ROBO2: variants seen among roughly 807,000 people sequenced by gnomAD.
ROBO2 encodes roundabout homolog 2.
A neutral mutation model predicts 160.8 loss-of-function variants in ROBO2; 53 were observed. The observed-to-expected ratio is 0.33, with a 90% CI of 0.26 to 0.41. The LOEUF is 0.41. ROBO2 is among the 10% of genes least tolerant of loss of function. The probability of loss-of-function intolerance (pLI) is 1.00; values close to 1 mark genes in which losing one functional copy is unlikely to be tolerated. For missense variants in ROBO2, 1,577 were observed against 1,722.4 expected (o/e 0.92, Z 1.49); for synonymous variants, 664 against 611.7 (o/e 1.09, Z -1.26).
chr3:76,969,618 C>G (rs2059473358), intron 2 of ROBO2, among the ~76,000 whole-genome samples: 1 of 152,148 alleles, frequency 6.6e-6, no homozygotes, highest in Admixed American at 6.5e-5. Context: ...TGGCCACATG[C>G]TGGTTTTCTC....
At position 77,142,501 on chromosome 3, in the gene ROBO2, C is replaced by A. The variant is rs376680244; in HGVS notation, c.388+44161C>A. Among the ~76,000 whole-genome samples, 65 of 152,274 alleles carry A rather than the reference C, an allele frequency of 4.3e-4. 1 individual carries two copies. The highest frequency in any genetic ancestry group is 1.4e-3 in the African/African-American group (59 of 41,564). ...TAATAACCTAATCTTAAGGACATGA[C>A]TATAATAAAGGCTAAAAAGCAGTTT... is the stretch of plus-strand genomic sequence containing the variant. On this transcript the variant is annotated intron_variant, in intron 2 of 25. Transcript: ENST00000461745.
chr3:77,534,590 T>C (rs2091967180), intron 6 of ROBO2, among the ~76,000 whole-genome samples: 2 of 152,310 alleles, frequency 1.3e-5, no homozygotes, highest in East Asian at 3.9e-4. Flanking sequence ...TGCATGATAT[T>C]TGAATTGCTA....
chr3:76,215,558 C>A (rs1291566877), intron 2 of ROBO2, among the ~76,000 whole-genome samples: 1 of 151,972 alleles, frequency 6.6e-6, no homozygotes, highest in African/African-American at 2.4e-5. Flanking sequence ...GACAGGGTAT[C>A]AGCAATGGAA....
At chr3:77,563,723 T>C (rs1478588630) in intron 11 of ROBO2, among the ~76,000 whole-genome samples, 1 of 152,106 alleles carries the variant, frequency 6.6e-6, no homozygotes, top group Non-Finnish European at 1.5e-5. Context: ...CTCTGGCATT[T>C]ATATTCCTAA....
At chr3:76,649,055 G>GT (rs2091125686) in intron 2 of ROBO2, among the ~76,000 whole-genome samples, 1 of 151,986 alleles carries the variant, frequency 6.6e-6, no homozygotes, top group African/African-American at 2.4e-5. Flanking sequence ...ATATTGACTT[G>GT]ATTTCAAATC....
In ROBO2 at chr3:76,978,918, TTTTTTTTG is replaced by T. The variant is rs2059943432; in HGVS notation, c.110-119092_110-119085del. On this transcript the variant is annotated intron_variant, in intron 2 of 26. Coordinates refer to the ROBO2 transcript ENST00000487694. The stretch of plus-strand genomic sequence containing the variant: ...AAGGAGTACAAGTGCAGTTTTAGAG[TTTTTTTTG>T]TTTGTTTGTTTGTTTTTTAAAAAAA... 1.0e-4 allele frequency among the ~76,000 whole-genome samples: 15 copies of T among 148,406 alleles called. No individual in the cohort carries two copies. The South Asian group carries it at 3.2e-3, about 31-fold the overall frequency.
intron 2 of ROBO2, among the ~76,000 whole-genome samples, chr3:76,721,584 T>G (rs535393761): frequency 6.6e-6 from 1 of 152,350 alleles, no homozygotes; most frequent in East Asian, 1.9e-4. Flanking sequence ...GCTTTTCATC[T>G]TTCATCTTCA....
At chr3:77,241,849 T>C (rs2089091355) in intron 2 of ROBO2, among the ~76,000 whole-genome samples, 1 of 152,194 alleles carries the variant, frequency 6.6e-6, no homozygotes, top group African/African-American at 2.4e-5. Context: ...CAGTCTTTCC[T>C]TTATGTGGTT....
chr3:77,468,418 C>T (rs754443098), intron 2 of ROBO2, among the ~76,000 whole-genome samples: 15 of 152,172 alleles, frequency 9.9e-5, no homozygotes, highest in Admixed American at 7.2e-4. Context: ...CCAAGGAGAA[C>T]ATATGCATTA....
At chr3:77,347,900 A>G (rs2067847866) in intron 2 of ROBO2, among the ~76,000 whole-genome samples, 1 of 151,994 alleles carries the variant, frequency 6.6e-6, no homozygotes, top group East Asian at 1.9e-4. Context: ...TTCTATCTTA[A>G]AGTACTTTCT....
At chr3:75,985,841 C>T (rs2107477523) in intron 2 of ROBO2, among the ~76,000 whole-genome samples, 1 of 151,232 alleles carries the variant, frequency 6.6e-6, no homozygotes, top group South Asian at 2.1e-4. Flanking sequence ...AGCATAATGA[C>T]CTCAATTTCA....
At chr3:76,404,201 C>T (rs1372628604) in intron 2 of ROBO2, among the ~76,000 whole-genome samples, 1 of 151,542 alleles carries the variant, frequency 6.6e-6, no homozygotes, top group African/African-American at 2.4e-5. Context: ...GAAGGATTGG[C>T]TGCAAAAATA....
chr3:76,017,668 A>C (rs1289944331), intron 2 of ROBO2, among the ~76,000 whole-genome samples: 2 of 152,078 alleles, frequency 1.3e-5, no homozygotes, highest in Admixed American at 1.3e-4. Context: ...ATTTATATAC[A>C]TACCAATCAC....
At chr3:77,325,859 ACTC>A (rs1396822469) in intron 2 of ROBO2, among the ~76,000 whole-genome samples, 4 of 152,096 alleles carry the variant, frequency 2.6e-5, no homozygotes, top group Admixed American at 2.0e-4. Flanking sequence ...TACAGATTAT[ACTC>A]CTGGAAGATG....
chr3:77,009,416 TA>T (rs2061748692), intron 2 of ROBO2, among the ~76,000 whole-genome samples: 1 of 152,160 alleles, frequency 6.6e-6, no homozygotes, highest in Non-Finnish European at 1.5e-5. Context: ...TTTACGAAAA[TA>T]AAAACTCTAA....
intron 4 of ROBO2, among the ~76,000 whole-genome samples, chr3:77,491,229 A>G (rs2086066946): frequency 6.6e-6 from 1 of 152,182 alleles, no homozygotes; most frequent in African/African-American, 2.4e-5. Context: ...AGTGGATGAG[A>G]GAAAGACTTC....
chr3:77,160,992 C>T lies in ROBO2; in HGVS notation c.388+62652C>T, dbSNP rs565462488. Among the ~76,000 whole-genome samples the T allele has an allele frequency of 1.3e-4, 20 of 152,146 alleles. No homozygotes were observed. The South Asian group carries it at 3.7e-3, about 28-fold the overall frequency. The stretch of plus-strand genomic sequence containing the variant: ...ATATGTAGAGTGTTATTAAAGCATC[C>T]TTTATGACTGAGTGGTTAACTGGTT... On this transcript the variant is annotated intron_variant, in intron 2 of 25. Coordinates refer to ENST00000461745, the Ensembl canonical transcript of ROBO2.
intron 2 of ROBO2, among the ~76,000 whole-genome samples, chr3:76,683,601 C>T (rs899437478): frequency 3.9e-5 from 6 of 151,928 alleles, no homozygotes; most frequent in African/African-American, 1.5e-4. Flanking sequence ...TACGTTACAT[C>T]TTCTATAATC....
chr3:77,628,143 A>T (rs1332893961), intron 23 of ROBO2, among the ~76,000 whole-genome samples: 1 of 148,908 alleles, frequency 6.7e-6, no homozygotes, highest in Non-Finnish European at 1.5e-5. Flanking sequence ...AAATTTGGAA[A>T]GATTGAAAAT....
Sources: gnomAD v4.1 joint callset for allele counts (sites outside exome capture counted in the v4.1 genomes callset) on GRCh38, gnomAD v4.1.1 for gene constraint, MANE v1.5 for transcripts, NCBI Gene and HGNC (gene_info 2026-07-23, HGNC 2026-07-21) for gene names.